The following NBEA variants were observed in gnomAD, a reference collection of about 807,000 sequenced individuals.
NBEA encodes lysosomal-trafficking regulator 2.
Under a neutral mutation model 343.4 loss-of-function variants are expected in NBEA, and 44 were observed. That is an observed-to-expected ratio of 0.13 (90% CI 0.10 to 0.16). The LOEUF is 0.16. NBEA is among the 10% of genes least tolerant of loss of function. The probability of loss-of-function intolerance (pLI) is 1.00; values close to 1 mark genes in which losing one functional copy is unlikely to be tolerated. For synonymous variants in NBEA, 1,175 were observed against 1,238.7 expected (o/e 0.95, Z 1.08); for missense variants, 2,555 against 3,631.3 (o/e 0.70, Z 7.62).
chr13:35,369,939 C>G (rs146763173), intron 38 of NBEA, among the ~76,000 whole-genome samples: 21 of 151,938 alleles, frequency 1.4e-4, no homozygotes, highest in African/African-American at 4.6e-4. Flanking sequence ...TATTTTGTGT[C>G]ATAACATATA....
intron 23 of NBEA, among the ~76,000 whole-genome samples, chr13:35,162,839 TAGC>T (rs1258965617): frequency 3.9e-5 from 6 of 152,172 alleles, no homozygotes; most frequent in African/African-American, 1.4e-4. Context: ...AAATGTGTGT[TAGC>T]AGGGAAAAAG....
intron 35 of NBEA, among the ~76,000 whole-genome samples, chr13:35,305,881 T>C (rs2036858246): frequency 6.6e-6 from 1 of 152,222 alleles, no homozygotes; most frequent in African/African-American, 2.4e-5. Context: ...ATGTGATTAT[T>C]CTATCTTCAT....
At chr13:35,109,774 G>A (rs941156458) in intron 12 of NBEA, among the ~76,000 whole-genome samples, 3 of 151,964 alleles carry the variant, frequency 2.0e-5, no homozygotes, top group African/African-American at 7.2e-5. Flanking sequence ...TAATCATTTT[G>A]CTGGAAAATT....
intron 40 of NBEA, among the ~76,000 whole-genome samples, chr13:35,458,907 G>A (rs1166510333): frequency 6.6e-6 from 1 of 151,782 alleles, no homozygotes; most frequent in Non-Finnish European, 1.5e-5. Context: ...AATTAGTACA[G>A]GGAGATAGCA....
chr13:35,337,500 C>G (rs117704254), intron 36 of NBEA, among the ~76,000 whole-genome samples: 4,528 of 152,034 alleles, frequency 0.03, 102 homozygotes, highest in Non-Finnish European at 0.045. Flanking sequence ...TAAAATATAT[C>G]AAGCAAAAAC....
chr13:35,123,057 C>T (rs898569222), intron 16 of NBEA, among the ~76,000 whole-genome samples: 2 of 152,040 alleles, frequency 1.3e-5, no homozygotes, highest in South Asian at 2.1e-4. Context: ...TTTGGGAGGC[C>T]GAGGTGGTCG....
At chr13:35,177,800 T>G (rs1400996648) in intron 28 of NBEA, among the ~76,000 whole-genome samples, 2 of 151,790 alleles carry the variant, frequency 1.3e-5, no homozygotes, top group African/African-American at 2.4e-5. Context: ...AGTTGATGAT[T>G]CTTATCTAGT....
At chr13:35,089,696 G>A (rs1401533285) in intron 10 of NBEA, among the ~76,000 whole-genome samples, 5 of 137,054 alleles carry the variant, frequency 3.6e-5, no homozygotes, top group East Asian at 2.1e-4. Flanking sequence ...TTAAGAAAAT[G>A]TGGCACATAT....
chr13:35,278,113 T>A (rs908881331), intron 34 of NBEA, among the ~76,000 whole-genome samples: 14 of 147,732 alleles, frequency 9.5e-5, no homozygotes, highest in Admixed American at 4.1e-4. Context: ...ATATAAAATA[T>A]ATATATATAC....
intron 45 of NBEA, among the ~76,000 whole-genome samples, chr13:35,582,203 G>T (rs915506877): frequency 1.3e-5 from 2 of 151,976 alleles, no homozygotes; most frequent in Non-Finnish European, 2.9e-5. Flanking sequence ...GGAGAATGGC[G>T]TGAACCCAGG....
At chr13:34,978,954 T>C (rs1029334315) in intron 1 of NBEA, among the ~76,000 whole-genome samples, 2 of 152,178 alleles carry the variant, frequency 1.3e-5, no homozygotes, top group Admixed American at 6.5e-5. Flanking sequence ...AAGATTCATG[T>C]TTTTATTCCT....
At chr13:35,606,314 G>A (rs1466405371) in intron 47 of NBEA, 112 bp from the exon 48 acceptor site, 2 of 489,608 alleles carry the variant, frequency 4.1e-6, no homozygotes, top group Admixed American at 4.4e-5. Context: ...ATAAAATATT[G>A]GTTTTAAGAA....
intron 18 of NBEA, among the ~76,000 whole-genome samples, chr13:35,149,632 T>C (rs1185024595): frequency 2.6e-5 from 4 of 152,114 alleles, no homozygotes; most frequent in Admixed American, 1.3e-4. Flanking sequence ...CGTGTTTATG[T>C]TTTGATTTTT....
chr13:35,086,417 C>T (rs544183920), intron 10 of NBEA, among the ~76,000 whole-genome samples: 32 of 151,916 alleles, frequency 2.1e-4, no homozygotes, highest in Admixed American at 5.9e-4. Flanking sequence ...ATGTTTGTAC[C>T]GACTAACTAA....
intron 34 of NBEA, among the ~76,000 whole-genome samples, chr13:35,235,350 AT>A (rs2075174652): frequency 6.6e-6 from 1 of 152,226 alleles, no homozygotes; most frequent in Non-Finnish European, 1.5e-5. Flanking sequence ...ATGTTTCCTC[AT>A]TCCCTACAAG....
chr13:35,271,661 G>A (rs1242431210), intron 34 of NBEA, among the ~76,000 whole-genome samples: 2 of 152,182 alleles, frequency 1.3e-5, no homozygotes, highest in East Asian at 1.9e-4. Context: ...AAGAGCTTAA[G>A]TGACCTGATG....
chr13:35,450,650 GT>G (rs2046264425), intron 39 of NBEA, among the ~76,000 whole-genome samples: 1 of 152,158 alleles, frequency 6.6e-6, no homozygotes, highest in African/African-American at 2.4e-5. Flanking sequence ...ACACCATAAT[GT>G]CCCCTAAAAA....
chr13:35,097,358 T>C (rs182184067), intron 10 of NBEA, among the ~76,000 whole-genome samples: 5 of 152,082 alleles, frequency 3.3e-5, no homozygotes, highest in Admixed American at 3.3e-4. Context: ...TTTTACCCTT[T>C]CTTATGAATA....
intron 38 of NBEA, among the ~76,000 whole-genome samples, chr13:35,390,618 C>A (rs1034920440): frequency 6.6e-6 from 1 of 152,066 alleles, no homozygotes; most frequent in Non-Finnish European, 1.5e-5. Context: ...AATGGGGAAA[C>A]TTAAATAATG....
Sources: allele counts gnomAD v4.1 joint callset (sites outside exome capture counted in the v4.1 genomes callset), GRCh38; gene constraint gnomAD v4.1.1; transcripts MANE v1.5; gene names NCBI Gene and HGNC (gene_info 2026-07-23, HGNC 2026-07-21).